The following ADK variants were observed in gnomAD, a reference collection of about 807,000 sequenced individuals.
ADK encodes the protein N6,N6-dimethyladenosine kinase.
A neutral mutation model predicts 44.7 loss-of-function variants in ADK; 24 were observed. That is an observed-to-expected ratio of 0.54 (90% confidence interval 0.39 to 0.76). The LOEUF is 0.76. Ranked by LOEUF, ADK falls within the 30% of genes least tolerant of loss-of-function variation. The pLI is 0.00. For synonymous variants in ADK, 128 were observed against 142.6 expected (o/e 0.90, Z 0.73); for missense variants, 321 against 425.1 (o/e 0.76, Z 2.15).
intron 7 of ADK, among the ~76,000 whole-genome samples, chr10:74,581,104 G>T: frequency 6.6e-6 from 1 of 151,840 alleles, no homozygotes; most frequent in Non-Finnish European, 1.5e-5. Context: ...AACCCATAAT[G>T]AGGAGAAATA....
intron 1 of ADK, among the ~76,000 whole-genome samples, chr10:74,184,074 C>T (rs1292457289): frequency 5.9e-5 from 9 of 151,930 alleles, no homozygotes; most frequent in Non-Finnish European, 1.0e-4. Context: ...CCCACCACCA[C>T]GCCCTGCCAA....
At chr10:74,545,958 A>G (rs560477129) in intron 7 of ADK, among the ~76,000 whole-genome samples, 53 of 152,284 alleles carry the variant, frequency 3.5e-4, no homozygotes, top group Non-Finnish European at 6.6e-4. Context: ...TTACATGAGG[A>G]AAGACAGGTT....
chr10:74,691,288 A>G (rs1564854451), intron 10 of ADK, among the ~76,000 whole-genome samples: 4 of 152,232 alleles, frequency 2.6e-5, no homozygotes, highest in African/African-American at 9.6e-5. Flanking sequence ...GACAGGGAGA[A>G]TTGAGTTTAG....
At chr10:74,214,698 A>T (rs901920413) in intron 2 of ADK, among the ~76,000 whole-genome samples, 1 of 152,236 alleles carries the variant, frequency 6.6e-6, no homozygotes, top group African/African-American at 2.4e-5. Flanking sequence ...TTTCAGTCTC[A>T]TTAAAAGGCT....
intron 9 of ADK, among the ~76,000 whole-genome samples, chr10:74,664,031 A>G (rs192081374): frequency 3.9e-5 from 6 of 152,326 alleles, no homozygotes; most frequent in Admixed American, 3.9e-4. Flanking sequence ...CTGGAATGAT[A>G]TTATTGACCT....
chr10:74,187,290 TTATC>T (rs751189768), intron 1 of ADK, among the ~76,000 whole-genome samples: 6 of 152,244 alleles, frequency 3.9e-5, no homozygotes, highest in Non-Finnish European at 8.8e-5. Context: ...ATGCCACAAT[TTATC>T]CATTTATCAC....
chr10:74,665,332 G>C (rs1343097006), intron 9 of ADK, among the ~76,000 whole-genome samples: 4 of 152,168 alleles, frequency 2.6e-5, no homozygotes, highest in African/African-American at 9.7e-5. Flanking sequence ...TTTTTACGTA[G>C]TCATACTTTT....
At chr10:74,550,766 T>C (rs963436083) in intron 7 of ADK, among the ~76,000 whole-genome samples, 10 of 152,226 alleles carry the variant, frequency 6.6e-5, no homozygotes, top group African/African-American at 2.4e-4. Context: ...GTAATTTTAA[T>C]TTTAATTGAT....
intron 3 of ADK, among the ~76,000 whole-genome samples, chr10:74,293,589 AT>A (rs1839703438): frequency 1.3e-5 from 2 of 152,158 alleles, no homozygotes; most frequent in African/African-American, 4.8e-5. Flanking sequence ...GCTTTCTTAT[AT>A]CTTATAGTTA....
chr10:74,154,952 T>C (rs1316402214), intron 1 of ADK, among the ~76,000 whole-genome samples: 2 of 152,194 alleles, frequency 1.3e-5, no homozygotes, highest in Non-Finnish European at 2.9e-5. Flanking sequence ...AACTCTGAAG[T>C]TGATGTTAGG....
chr10:74,442,461 C>A (rs1257790885), intron 6 of ADK, among the ~76,000 whole-genome samples: 1 of 152,086 alleles, frequency 6.6e-6, no homozygotes, highest in Non-Finnish European at 1.5e-5. Context: ...GCCTGGCCAA[C>A]ATGATGAAAC....
intron 1 of ADK, among the ~76,000 whole-genome samples, chr10:74,195,296 T>C (rs1175609927): frequency 6.6e-6 from 1 of 152,216 alleles, no homozygotes; most frequent in Non-Finnish European, 1.5e-5. Flanking sequence ...AAGAAGGTCA[T>C]AGTATTTACT....
intron 4 of ADK, among the ~76,000 whole-genome samples, chr10:74,370,424 A>G (rs536788922): frequency 1.3e-5 from 2 of 152,306 alleles, no homozygotes; most frequent in Admixed American, 6.5e-5. Flanking sequence ...AATATGGTGT[A>G]TGTTTTCTCC....
At chr10:74,475,446 C>T (rs1467609799) in intron 6 of ADK, among the ~76,000 whole-genome samples, 1 of 152,094 alleles carries the variant, frequency 6.6e-6, no homozygotes, top group African/African-American at 2.4e-5. Flanking sequence ...CATGGTGACT[C>T]AATTCTCTAA....
At chr10:74,533,432 G>A (rs545692000) in intron 7 of ADK, among the ~76,000 whole-genome samples, 5 of 152,310 alleles carry the variant, frequency 3.3e-5, no homozygotes, top group Admixed American at 3.3e-4. Context: ...TTGGTGTAAT[G>A]ATAGACAAAT....
intron 10 of ADK, among the ~76,000 whole-genome samples, chr10:74,687,958 T>C (rs1855853258): frequency 6.6e-6 from 1 of 152,252 alleles, no homozygotes; most frequent in Non-Finnish European, 1.5e-5. Context: ...TTCATTCCCC[T>C]GCTTACAACC....
intron 3 of ADK, among the ~76,000 whole-genome samples, chr10:74,303,612 T>TTTTTTTTTTTTTTTTTTTTTTTTTTTTA: frequency 7.1e-6 from 1 of 140,956 alleles, no homozygotes; most frequent in South Asian, 2.3e-4. Context: ...TTTTTTTTTT[T>TTTTTTTTTTTTTTTTTTTTTTTTTTTTA]TTGCTAGAAA....
intron 3 of ADK, among the ~76,000 whole-genome samples, chr10:74,256,788 C>T (rs755600733): frequency 3.1e-4 from 47 of 152,136 alleles, no homozygotes; most frequent in Non-Finnish European, 6.6e-4. Context: ...GCAGTTCTTA[C>T]CTGATAAATG....
At chr10:74,276,836 G>C (rs548236974) in intron 3 of ADK, among the ~76,000 whole-genome samples, 1,586 of 152,090 alleles carry the variant, frequency 0.01, 28 homozygotes, top group African/African-American at 0.037. Context: ...GATCTCTTTT[G>C]TACCTTTCCT....
Sources: gnomAD v4.1 joint callset for allele counts (sites outside exome capture counted in the v4.1 genomes callset) on GRCh38, gnomAD v4.1.1 for gene constraint, MANE v1.5 for transcripts, NCBI Gene and HGNC (gene_info 2026-07-23, HGNC 2026-07-21) for gene names.